The following PDCD6IP variants were observed in gnomAD, a reference collection of about 807,000 sequenced individuals.
The protein encoded by PDCD6IP is programmed cell death 6-interacting protein.
In PDCD6IP, 43 loss-of-function variants were observed where a neutral mutation model predicts 103.7. The ratio of observed to expected loss-of-function variants is 0.41; its 90% CI spans 0.32 to 0.53. The LOEUF is 0.53. PDCD6IP is among the 20% of genes least tolerant of loss of function. The probability of loss-of-function intolerance (pLI) is 0.16; values close to 1 mark genes in which losing one functional copy is unlikely to be tolerated. For missense variants in PDCD6IP, 871 were observed against 1,036.7 expected (o/e 0.84, Z 2.20); for synonymous variants, 354 against 378.7 (o/e 0.93, Z 0.76).
In PDCD6IP at chr3:33,866,528, T is replaced by C. The variant is rs141799309; in HGVS notation, c.*3T>C. 240 of 1,594,928 alleles carry C rather than the reference T, an allele frequency of 1.5e-4. 1 individual carries two copies. In the African/African-American group the frequency reaches 2.6e-3, roughly 17 times the overall value. ...AGTCTTACTATCCACAGCAGTAATA[T>C]GTCTGCTCAGCAGCTCAGCTGATTC... is the stretch of plus-strand genomic sequence containing the variant. On this transcript the variant is annotated 3_prime_UTR_variant, in exon 18 of 18. Coordinates refer to ENST00000307296, the MANE Select transcript of PDCD6IP (RefSeq NM_013374.6).
At chr3:33,803,456 C>T (rs1023329779) in intron 1 of PDCD6IP, among the ~76,000 whole-genome samples, 1 of 152,030 alleles carries the variant, frequency 6.6e-6, no homozygotes, top group African/African-American at 2.4e-5. Context: ...TTGTTCTTTT[C>T]TTTTGCCCAT....
rs1409617725 is a variant in PDCD6IP, at chr3:33,825,207, A to G, written c.483A>G (p.Leu161=). The G allele has an allele frequency of 6.2e-7, 1 of 1,610,510 alleles. No homozygotes were observed. Among genetic ancestry groups the G allele is most frequent in the Non-Finnish European group, 8.5e-7 (1 of 1,179,234 alleles). The change falls in exon 5 of 18, where the codon TTA becomes TTG. Residue 161 remains leucine (L), a synonymous_variant. Coordinates refer to ENST00000307296, the MANE Select transcript of PDCD6IP (RefSeq NM_013374.6). ...KHYQFASGAF[L]HIKETVLSAL... ...TTTAGTTTGCTAGTGGTGCCTTTTT[A>G]CATATTAAAGAGACGGTTTTATCTG...
Position 33,811,911 on chromosome 3 carries a change from T to G in PDCD6IP, c.210-161T>G, listed in dbSNP as rs528357971. Among the ~76,000 whole-genome samples, 7 of 152,340 alleles carry G rather than the reference T, an allele frequency of 4.6e-5. No individual in the cohort carries two copies. The East Asian group carries it at 1.3e-3, about 29-fold the overall frequency. Reference sequence around the variant, plus strand: ...GTTCATAGTTTTTCACTGCATATATTTTTTAAGCTTCTGGTTTACGTATTA... The same window carrying G: ...GTTCATAGTTTTTCACTGCATATATGTTTTAAGCTTCTGGTTTACGTATTA... On this transcript the variant is annotated intron_variant, in intron 1 of 17. Transcript: ENST00000307296.
chr3:33,804,446 A>C (rs866201083), intron 1 of PDCD6IP, among the ~76,000 whole-genome samples: 1 of 152,244 alleles, frequency 6.6e-6, no homozygotes, highest in Admixed American at 6.5e-5. Context: ...GTCTGTGTGA[A>C]CCATACTGTA....
At chr3:33,855,640 A>G (rs1303209824) in intron 15 of PDCD6IP, among the ~76,000 whole-genome samples, 3 of 152,220 alleles carry the variant, frequency 2.0e-5, no homozygotes, top group African/African-American at 4.8e-5. Flanking sequence ...AATACCAGCA[A>G]AATCACTTTC....
chr3:33,837,723 G>C (rs1225277243), intron 8 of PDCD6IP, among the ~76,000 whole-genome samples: 1 of 152,034 alleles, frequency 6.6e-6, no homozygotes, highest in Non-Finnish European at 1.5e-5. Flanking sequence ...CCAGTAGCTG[G>C]GACTACAGGC....
chr3:33,826,154 C>T (rs1697119023), intron 5 of PDCD6IP, among the ~76,000 whole-genome samples: 1 of 152,106 alleles, frequency 6.6e-6, no homozygotes, highest in South Asian at 2.1e-4. Context: ...AATTTATATA[C>T]ACTCAAGTTC....
intron 15 of PDCD6IP, among the ~76,000 whole-genome samples, chr3:33,862,767 CATT>C (rs1697981333): frequency 6.6e-6 from 1 of 152,138 alleles, no homozygotes; most frequent in Non-Finnish European, 1.5e-5. Flanking sequence ...GTGATTAAAA[CATT>C]AGCTACATAA....
chr3:33,842,119 C>T, intron 10 of PDCD6IP, 45 bp downstream of exon 10: 7 of 1,082,164 alleles, frequency 6.5e-6, no homozygotes, highest in Non-Finnish European at 9.6e-6. Context: ...CACTGTGATC[C>T]CTTGATGTCC....
intron 8 of PDCD6IP, among the ~76,000 whole-genome samples, chr3:33,836,875 A>G (rs1385284577): frequency 1.3e-5 from 2 of 151,470 alleles, no homozygotes; most frequent in African/African-American, 4.8e-5. Context: ...AAATAAATAA[A>G]TAAATAAAAT....
chr3:33,822,037 C>G lies in PDCD6IP; in HGVS notation c.417C>G (p.Asn139Lys). 1 of 1,614,038 alleles carries G rather than the reference C, an allele frequency of 6.2e-7. No homozygotes were observed. The highest frequency in any genetic ancestry group is 8.5e-7 in the Non-Finnish European group (1 of 1,179,950). ...CTAGCCAAATTGCAGCAGAACAGAACCTGGATAATGATGAAGGATTGAAAA... is the reference window on the plus strand; with the variant it reads ...CTAGCCAAATTGCAGCAGAACAGAAGCTGGATAATGATGAAGGATTGAAAA... ...ALASQIAAEQNLDNDEGLKIA... is the reference protein window; with the variant it reads ...ALASQIAAEQKLDNDEGLKIA... Residue 139 changes from asparagine (N) to lysine (K), a missense_variant, in exon 4 of 18, where the codon AAC (asparagine) becomes AAG (lysine). Coordinates refer to ENST00000307296, the MANE Select transcript of PDCD6IP (RefSeq NM_013374.6).
intron 2 of PDCD6IP, 79 bp downstream of exon 2, chr3:33,812,205 GT>G: frequency 6.6e-7 from 1 of 1,514,164 alleles, no homozygotes; most frequent in South Asian, 1.3e-5. Context: ...TGTCTTTAGA[GT>G]TTTATGAGAT....
intron 7 of PDCD6IP, chr3:33,835,104 T>G (rs1266236292): frequency 2.7e-6 from 1 of 374,376 alleles, no homozygotes; most frequent in Non-Finnish European, 5.3e-6. Context: ...CTAATAATGC[T>G]TTTTATTTTA....
At chr3:33,859,412 A>C (rs187766936) in intron 15 of PDCD6IP, among the ~76,000 whole-genome samples, 9 of 152,302 alleles carry the variant, frequency 5.9e-5, no homozygotes, top group Admixed American at 5.9e-4. Flanking sequence ...GGATATGACA[A>C]ATTGGGAATC....
intron 3 of PDCD6IP, among the ~76,000 whole-genome samples, chr3:33,820,464 C>T (rs142359230): frequency 1.3e-3 from 193 of 152,186 alleles, no homozygotes; most frequent in South Asian, 0.011. Flanking sequence ...GTATACAGTT[C>T]ACTAGTGTTG....
chr3:33,822,651 T>C (rs1013376647), intron 4 of PDCD6IP, among the ~76,000 whole-genome samples: 6 of 152,104 alleles, frequency 3.9e-5, no homozygotes, highest in African/African-American at 1.4e-4. Flanking sequence ...CAGTTTATTT[T>C]ATTTTATTTA....
In PDCD6IP at chr3:33,811,353, A is replaced by G. The variant is rs139682055; in HGVS notation, c.210-719A>G. On this transcript the variant is annotated intron_variant, in intron 1 of 17. Transcript: ENST00000307296. ...TCCTGCTGAAAATTTGCCCCCAGAA[A>G]TAATCATTACAAAAATACCCCTGAT... Among the ~76,000 whole-genome samples the G allele has an allele frequency of 3.7e-3, 558 of 152,302 alleles. 4 individuals are homozygous for G. The highest frequency in any genetic ancestry group is 0.012 in the African/African-American group (517 of 41,564).
In PDCD6IP at chr3:33,835,537, T is replaced by G. The variant is rs200261551; in HGVS notation, c.835-507T>G. On this transcript the variant is annotated intron_variant, in intron 7 of 17. Transcript: ENST00000307296. The stretch of plus-strand genomic sequence containing the variant: ...TTGGAGACTGGCCTGGCCAATATGA[T>G]GAAACCCGATGTCTACCAAAACATA... Among the ~76,000 whole-genome samples, 10 of 152,234 alleles carry G rather than the reference T, an allele frequency of 6.6e-5. No individual in the cohort carries two copies. The East Asian group carries it at 1.9e-3, about 29-fold the overall frequency.
intron 7 of PDCD6IP, chr3:33,835,467 A>G: frequency 8.1e-6 from 3 of 369,320 alleles, no homozygotes; most frequent in Non-Finnish European, 1.6e-5. Flanking sequence ...CTGTAATCCC[A>G]GCACTTTGGG....
Sources: gnomAD v4.1 joint callset for allele counts (sites outside exome capture counted in the v4.1 genomes callset) on GRCh38, gnomAD v4.1.1 for gene constraint, MANE v1.5 for transcripts, NCBI Gene and HGNC (gene_info 2026-07-23, HGNC 2026-07-21) for gene names.